Variants in RTL4 observed in about 807,000 individuals in gnomAD.
RTL4 encodes retrotransposon Gag-like protein 4.
A neutral mutation model predicts 5.3 loss-of-function variants in RTL4; 4 were observed. The observed-to-expected ratio is 0.75, with a 90% CI of 0.37 to 1.72. RTL4 has a LOEUF of 1.72. Among genes scored for constraint, RTL4 ranks in the 40% most tolerant of loss-of-function variants. The pLI is 0.04. For missense variants in RTL4, 260 were observed against 227.1 expected (o/e 1.14, Z -0.93); for synonymous variants, 98 against 87.3 (o/e 1.12, Z -0.68).
chrX:112,217,018 C>A, the RTL4 span, among the ~76,000 whole-genome samples: 1 of 112,092 alleles, frequency 8.9e-6, no homozygotes, highest in South Asian at 3.7e-4. Flanking sequence ...CAATGGCTCT[C>A]ATTAACATTA....
the RTL4 span, among the ~76,000 whole-genome samples, chrX:112,094,750 C>T: frequency 9.0e-6 from 1 of 111,362 alleles, no homozygotes; most frequent in African/African-American, 3.3e-5. Flanking sequence ...AGAGAGTAAT[C>T]GACAGTATTT....
the RTL4 span, among the ~76,000 whole-genome samples, chrX:112,354,938 A>C: frequency 3.0e-3 from 336 of 111,512 alleles, no homozygotes; most frequent in African/African-American, 9.9e-3. Flanking sequence ...TACCAGTAAT[A>C]GTAGTAATAT....
chrX:112,169,680 A>G, the RTL4 span, among the ~76,000 whole-genome samples: 1 of 111,535 alleles, frequency 9.0e-6, no homozygotes, highest in East Asian at 2.8e-4. Flanking sequence ...CTGTTTAACA[A>G]CATCCTCCTA....
chrX:112,360,541 G>A, the RTL4 span, among the ~76,000 whole-genome samples: 2 of 109,671 alleles, frequency 1.8e-5, no homozygotes, highest in Non-Finnish European at 3.8e-5. Context: ...CATATCTAGC[G>A]TTTAAATTTT....
chrX:112,121,506 G>T, the RTL4 span, among the ~76,000 whole-genome samples: 6 of 111,409 alleles, frequency 5.4e-5, no homozygotes, highest in Non-Finnish European at 7.5e-5. Context: ...GGTAAAACAG[G>T]AGATCAGAAG....
chrX:112,350,385 A>AG, the RTL4 span, among the ~76,000 whole-genome samples: 1 of 108,694 alleles, frequency 9.2e-6, no homozygotes, highest in South Asian at 3.9e-4. Flanking sequence ...TCATAAAATG[A>AG]GTTAGGGAGG....
the RTL4 span, among the ~76,000 whole-genome samples, chrX:112,244,633 C>A: frequency 9.0e-6 from 1 of 111,675 alleles, no homozygotes; most frequent in South Asian, 3.8e-4. Flanking sequence ...ACTGATGGGT[C>A]TTGACTCTTT....
the RTL4 span, among the ~76,000 whole-genome samples, chrX:112,103,586 AAAAAG>A: frequency 9.0e-6 from 1 of 111,233 alleles, no homozygotes; most frequent in Non-Finnish European, 1.9e-5. Context: ...GAACGAAAAA[AAAAAG>A]AAAAGAAAGC....
chrX:112,377,223 T>C, the RTL4 span, among the ~76,000 whole-genome samples: 6 of 111,904 alleles, frequency 5.4e-5, no homozygotes, highest in Non-Finnish European at 9.4e-5. Flanking sequence ...TATTTTAGGA[T>C]ACAGATGCCC....
chrX:112,401,594 T>C, the RTL4 span, among the ~76,000 whole-genome samples: 1 of 103,144 alleles, frequency 9.7e-6, no homozygotes, highest in African/African-American at 3.7e-5. Flanking sequence ...ATATAGTGAA[T>C]ACCCTCTTTA....
chrX:112,230,848 G>C, the RTL4 span, among the ~76,000 whole-genome samples: 9 of 107,760 alleles, frequency 8.4e-5, no homozygotes, highest in South Asian at 1.6e-3. Context: ...GGCTAATATC[G>C]AGAATCTACA....
chrX:112,439,588 T>C, the RTL4 span, among the ~76,000 whole-genome samples: 1 of 111,919 alleles, frequency 8.9e-6, no homozygotes, highest in Non-Finnish European at 1.9e-5. Flanking sequence ...TGGTATAGTT[T>C]GGATATTTGT....
At chrX:112,119,010 A>AT in the RTL4 span, among the ~76,000 whole-genome samples, 725 of 91,910 alleles carry the variant, frequency 7.9e-3, 6 homozygotes, top group Middle Eastern at 0.018. Flanking sequence ...CACCCAGCTA[A>AT]TTTTTTTTTT....
the RTL4 span, among the ~76,000 whole-genome samples, chrX:112,257,145 G>T: frequency 1.3e-4 from 15 of 111,936 alleles, no homozygotes; most frequent in Non-Finnish European, 2.6e-4. Flanking sequence ...ATTAAGTTAA[G>T]AAATTACTTT....
chrX:112,319,106 CA>C, the RTL4 span, among the ~76,000 whole-genome samples: 1 of 111,529 alleles, frequency 9.0e-6, no homozygotes, highest in Non-Finnish European at 1.9e-5. Flanking sequence ...TGCAAGTTTC[CA>C]AAAAACTGAC....
the RTL4 span, among the ~76,000 whole-genome samples, chrX:112,153,206 A>G: frequency 8.9e-6 from 1 of 112,154 alleles, no homozygotes; most frequent in African/African-American, 3.2e-5. Flanking sequence ...TATCTCTAGT[A>G]CTGGATGATG....
the RTL4 span, among the ~76,000 whole-genome samples, chrX:112,260,622 A>G: frequency 8.9e-6 from 1 of 111,882 alleles, no homozygotes; most frequent in African/African-American, 3.2e-5. Flanking sequence ...TCTTTATTAT[A>G]TCCTGTCATC....
At chrX:112,449,518 A>C (rs1926697323), upstream of RTL4, among the ~76,000 whole-genome samples, 1 of 112,085 alleles carries the variant, frequency 8.9e-6, no homozygotes, top group South Asian at 3.7e-4. Context: ...CATCAAGGGA[A>C]CTTTTACTGC....
the RTL4 span, among the ~76,000 whole-genome samples, chrX:112,406,681 G>A: frequency 9.0e-6 from 1 of 110,858 alleles, no homozygotes; most frequent in African/African-American, 3.3e-5. Context: ...GTGGCTAAAG[G>A]AGTGATGGCA....
Sources: gnomAD v4.1 joint callset for allele counts (sites outside exome capture counted in the v4.1 genomes callset) on GRCh38, gnomAD v4.1.1 for gene constraint, MANE v1.5 for transcripts, NCBI Gene and HGNC (gene_info 2026-07-23, HGNC 2026-07-21) for gene names.